Variants in CTNND2 observed in about 807,000 individuals in gnomAD.
CTNND2 encodes catenin delta 2.
Under a neutral mutation model 144.4 loss-of-function variants are expected in CTNND2, and 22 were observed. The ratio of observed to expected loss-of-function variants is 0.15; its 90% CI spans 0.11 to 0.22. The LOEUF (loss-of-function observed/expected upper bound fraction) is 0.22, where lower values mean the gene tolerates loss of function less well. CTNND2 is among the 10% of genes least tolerant of loss of function. The pLI, the probability that CTNND2 is intolerant of heterozygous loss-of-function variation, is 1.00. For missense variants in CTNND2, 1,353 were observed against 1,618.8 expected, an observed-to-expected ratio of 0.84 and a Z score of 2.82; for synonymous variants, 751 against 695.6, an observed-to-expected ratio of 1.08 and a Z score of -1.25.
In CTNND2 at chr5:11,345,924, T is replaced by C. The variant is rs79929711; in HGVS notation, c.1628+448A>G. ...CAGACATAGAGAAATGAAGGCCATG[T>C]AAAATTTCTAAATTTTCAATTTTAC... On this transcript the variant is annotated intron_variant, in intron 9 of 21. Coordinates refer to ENST00000304623, the MANE Select transcript of CTNND2 (RefSeq NM_001332.4). Among the ~76,000 whole-genome samples the C allele has an allele frequency of 5.9e-5, 9 of 152,346 alleles. No homozygotes were observed. In the East Asian group the frequency reaches 1.5e-3, roughly 26 times the overall value.
chr5:11,732,766 G>A (rs1224732118), intron 1 of CTNND2, among the ~76,000 whole-genome samples: 1 of 152,040 alleles, frequency 6.6e-6, no homozygotes, highest in Non-Finnish European at 1.5e-5. Context: ...CAGGTCTCAG[G>A]AGCAGGCCTC....
chr5:11,591,068 T>G (rs1453416777), intron 2 of CTNND2, among the ~76,000 whole-genome samples: 1 of 152,362 alleles, frequency 6.6e-6, no homozygotes, highest in Admixed American at 6.5e-5. Flanking sequence ...TTCCTGTTAA[T>G]GCATGTTTAA....
At chr5:11,123,009 C>A (rs941719352) in intron 12 of CTNND2, among the ~76,000 whole-genome samples, 8 of 152,118 alleles carry the variant, frequency 5.3e-5, no homozygotes, top group South Asian at 2.1e-4. Context: ...GGTTCCCAGG[C>A]CCACTGATCC....
intron 3 of CTNND2, among the ~76,000 whole-genome samples, chr5:11,527,809 G>C (rs943206759): frequency 6.6e-6 from 1 of 152,134 alleles, no homozygotes; most frequent in Non-Finnish European, 1.5e-5. Flanking sequence ...ACTTAACAGA[G>C]AACAGTGGAC....
At position 11,844,361 on chromosome 5, in the gene CTNND2, T is replaced by TACAC. The variant is rs3036040; in HGVS notation, c.37+59452_37+59455dup. ...TCTTGAAGGGATGGATAGACTGAAA[T>TACAC]ACACACACACACACATATGCACACA... On this transcript the variant is annotated intron_variant, in intron 1 of 21. Transcript: ENST00000304623. Among the ~76,000 whole-genome samples the TACAC allele has an allele frequency of 3.9e-3, 591 of 150,544 alleles. 2 individuals carry two copies. Among genetic ancestry groups the TACAC allele is most frequent in the African/African-American group, 0.013 (554 of 41,070 alleles).
In CTNND2 at chr5:11,746,153, C is replaced by G. The variant is rs543628514; in HGVS notation, c.38-13881G>C. 1.5e-3 allele frequency among the ~76,000 whole-genome samples: 235 copies of G among 152,280 alleles called. 3 individuals are homozygous for G. Among genetic ancestry groups the G allele is most frequent in the African/African-American group, 5.0e-3 (208 of 41,572 alleles). ...CCTCTCACACCTTACACTACACACACCAAGCCTCTTGCCACTCCCAATACA... is the reference window on the plus strand; with the variant it reads ...CCTCTCACACCTTACACTACACACAGCAAGCCTCTTGCCACTCCCAATACA... On this transcript the variant is annotated intron_variant, in intron 1 of 21. Coordinates refer to ENST00000304623, the MANE Select transcript of CTNND2 (RefSeq NM_001332.4).
At chr5:11,094,301 C>A (rs1009306488) in intron 15 of CTNND2, among the ~76,000 whole-genome samples, 2 of 152,066 alleles carry the variant, frequency 1.3e-5, no homozygotes, top group Non-Finnish European at 2.9e-5. Flanking sequence ...TGACAGAGGG[C>A]CAACTTTATG....
chr5:11,333,740 C>A (rs1488186537), intron 9 of CTNND2, among the ~76,000 whole-genome samples: 2 of 152,178 alleles, frequency 1.3e-5, no homozygotes, highest in African/African-American at 4.8e-5. Flanking sequence ...TCTACTGACC[C>A]TGGCGGATTT....
intron 1 of CTNND2, among the ~76,000 whole-genome samples, chr5:11,765,672 C>T (rs974987844): frequency 1.3e-5 from 2 of 151,896 alleles, no homozygotes; most frequent in South Asian, 2.1e-4. Context: ...CTCTTGGGGT[C>T]GTCTGTGTAT....
At chr5:11,731,200 G>T (rs1368921083) in intron 2 of CTNND2, among the ~76,000 whole-genome samples, 3 of 152,160 alleles carry the variant, frequency 2.0e-5, no homozygotes, top group Non-Finnish European at 1.5e-5. Context: ...TAGCATCATT[G>T]ATCCCTTCGG....
chr5:11,405,799 T>C (rs1172622449), intron 5 of CTNND2, among the ~76,000 whole-genome samples: 1 of 152,088 alleles, frequency 6.6e-6, no homozygotes, highest in East Asian at 1.9e-4. Flanking sequence ...GTAAGTGAAT[T>C]TCAAAAGGAA....
intron 1 of CTNND2, among the ~76,000 whole-genome samples, chr5:11,770,754 A>G (rs1000711459): frequency 6.6e-6 from 1 of 152,130 alleles, no homozygotes; most frequent in Non-Finnish European, 1.5e-5. Context: ...TATGATGCAA[A>G]GTTTGAGAAC....
chr5:11,002,749 G>A (rs1364552160), intron 18 of CTNND2, among the ~76,000 whole-genome samples: 1 of 152,154 alleles, frequency 6.6e-6, no homozygotes, highest in Non-Finnish European at 1.5e-5. Flanking sequence ...GTGACCCAGT[G>A]AATAGCCACA....
intron 12 of CTNND2, among the ~76,000 whole-genome samples, chr5:11,146,631 C>A (rs572543857): frequency 6.6e-6 from 1 of 152,162 alleles, no homozygotes; most frequent in Non-Finnish European, 1.5e-5. Flanking sequence ...GATTTCTTAA[C>A]GGTGCTGATA....
chr5:11,374,891 T>C (rs1480688186), intron 7 of CTNND2, among the ~76,000 whole-genome samples: 1 of 150,628 alleles, frequency 6.6e-6, no homozygotes, highest in Non-Finnish European at 1.5e-5. Context: ...TGCTGACTGC[T>C]GTGGGAACTA....
At chr5:11,220,277 A>C (rs190614936) in intron 10 of CTNND2, among the ~76,000 whole-genome samples, 3 of 152,228 alleles carry the variant, frequency 2.0e-5, no homozygotes, top group Non-Finnish European at 4.4e-5. Flanking sequence ...GTGAAGAGGA[A>C]AGAAGGAAAC....
intron 3 of CTNND2, among the ~76,000 whole-genome samples, chr5:11,453,018 C>A (rs1180349459): frequency 6.6e-6 from 1 of 152,148 alleles, no homozygotes; most frequent in African/African-American, 2.4e-5. Flanking sequence ...GCCTCTCAGA[C>A]TTTCTTGGCT....
chr5:11,452,869 C>T (rs1765417518), intron 3 of CTNND2, among the ~76,000 whole-genome samples: 1 of 152,108 alleles, frequency 6.6e-6, no homozygotes, highest in Non-Finnish European at 1.5e-5. Context: ...GCGATCTATC[C>T]TAATATATGT....
At chr5:11,165,184 G>T (rs1441039355) in intron 11 of CTNND2, among the ~76,000 whole-genome samples, 2 of 152,136 alleles carry the variant, frequency 1.3e-5, no homozygotes, top group Non-Finnish European at 2.9e-5. Flanking sequence ...ATTTAAGTGG[G>T]ATTATTTACT....
Sources: allele counts gnomAD v4.1 joint callset (sites outside exome capture counted in the v4.1 genomes callset), GRCh38; gene constraint gnomAD v4.1.1; transcripts MANE v1.5; gene names NCBI Gene and HGNC (gene_info 2026-07-23, HGNC 2026-07-21).